The following ME2 variants were observed in gnomAD, a reference collection of about 807,000 sequenced individuals.
The protein encoded by ME2 is NAD-dependent malic enzyme, mitochondrial.
A neutral mutation model predicts 73.7 loss-of-function variants in ME2; 60 were observed. The ratio of observed to expected loss-of-function variants is 0.81; its 90% CI spans 0.66 to 1.01. The LOEUF (loss-of-function observed/expected upper bound fraction) is 1.01. Among genes scored for constraint, ME2 ranks in the 50% least tolerant of loss-of-function variants. ME2 has a pLI of 0.00. For missense variants in ME2, 594 were observed against 705.5 expected (o/e 0.84, Z 1.79); for synonymous variants, 199 against 236.9 (o/e 0.84, Z 1.47).
At chr18:50,900,323 C>A (rs1297655095) in intron 2 of ME2, among the ~76,000 whole-genome samples, 2 of 151,332 alleles carry the variant, frequency 1.3e-5, no homozygotes, top group Admixed American at 6.6e-5. Context: ...GAGATGGAGT[C>A]TCGCTCTGTT....
At chr18:50,893,431 G>A (rs1217565592) in intron 1 of ME2, among the ~76,000 whole-genome samples, 1 of 152,166 alleles carries the variant, frequency 6.6e-6, no homozygotes, top group Non-Finnish European at 1.5e-5. Flanking sequence ...CCATTCAGAT[G>A]AGCAAAATAC....
intron 12 of ME2, among the ~76,000 whole-genome samples, chr18:50,926,573 A>G (rs1295657597): frequency 6.6e-6 from 1 of 152,184 alleles, no homozygotes; most frequent in Admixed American, 6.5e-5. Context: ...TCTGTTTTGA[A>G]AAAATATCAG....
chr18:50,884,026 G>C (rs182323065), intron 1 of ME2, among the ~76,000 whole-genome samples: 1 of 151,780 alleles, frequency 6.6e-6, no homozygotes, highest in African/African-American at 2.4e-5. Flanking sequence ...TGTTTTCCTC[G>C]TTCTGTCTTG....
At chr18:50,918,704 T>C (rs56184660) in intron 7 of ME2, among the ~76,000 whole-genome samples, 29,425 of 148,674 alleles carry the variant, frequency 0.2, 3,550 homozygotes, top group East Asian at 0.29. Context: ...ACCTTTCTCT[T>C]TTTTTTTTTT....
chr18:50,920,771 G>A lies in ME2; in HGVS notation c.942+13G>A, dbSNP rs929332333. 6.3e-7 allele frequency: 1 copy of A among 1,578,936 alleles called. No individual in the cohort carries two copies. The highest frequency in any genetic ancestry group is 8.6e-7 in the Non-Finnish European group (1 of 1,161,212). On this transcript the variant is annotated intron_variant, in intron 9 of 15. Coordinates refer to ENST00000321341, the MANE Select transcript of ME2 (RefSeq NM_002396.5). The stretch of plus-strand genomic sequence containing the variant: ...TGGAGCAGGAGAGGTAAGTTTTGAA[G>A]GCTTTTTGAAACTTAAGCCTATCCT...
chr18:50,931,827 A>AAC (rs1917697623), intron 12 of ME2, among the ~76,000 whole-genome samples: 1 of 151,992 alleles, frequency 6.6e-6, no homozygotes, highest in African/African-American at 2.4e-5. Flanking sequence ...GGCATGGGCC[A>AAC]ACACACCCAG....
chr18:50,940,192 T>C, intron 14 of ME2, 96 bp from the exon 15 acceptor site: 1 of 793,776 alleles, frequency 1.3e-6, no homozygotes, highest in South Asian at 1.5e-5. Context: ...TTATATTACC[T>C]GTTTTACTCT....
chr18:50,890,914 G>C lies in ME2; in HGVS notation c.-12-4895G>C, dbSNP rs185087173. Among the ~76,000 whole-genome samples, 96 of 152,286 alleles carry C rather than the reference G, an allele frequency of 6.3e-4. No homozygotes were observed. In the East Asian group the frequency reaches 0.017, roughly 27 times the overall value. ...ATGGCCAGGAGGCACTGCTGGACCAGGAGGGCAGGGCCATATTGAGCCTGG... is the reference window on the plus strand; with the variant it reads ...ATGGCCAGGAGGCACTGCTGGACCACGAGGGCAGGGCCATATTGAGCCTGG... On this transcript the variant is annotated intron_variant, in intron 1 of 15. Transcript: ENST00000321341.
Position 50,883,958 on chromosome 18 carries a change from C to G in ME2, c.-13+4650C>G, listed in dbSNP as rs542629233. Among the ~76,000 whole-genome samples the G allele has an allele frequency of 2.0e-5, 3 of 152,310 alleles. No individual in the cohort carries two copies. In the South Asian group the frequency reaches 6.2e-4, roughly 32 times the overall value. On this transcript the variant is annotated intron_variant, in intron 1 of 15. Coordinates refer to ENST00000321341, the MANE Select transcript of ME2 (RefSeq NM_002396.5). ...CTTCTTTTATTTCCTGTTTTTACTT[C>G]ACTCACTCCTATAGTTCTCCTTCTG...
chr18:50,945,718 A>T (rs1240118885), intron 15 of ME2, among the ~76,000 whole-genome samples: 1 of 152,158 alleles, frequency 6.6e-6, no homozygotes, highest in East Asian at 1.9e-4. Context: ...GAGGAGAGCG[A>T]CATCTTATAA....
At position 50,953,246 on chromosome 18, in the gene ME2, C is replaced by A; in HGVS notation, c.*6062C>A. The A allele has an allele frequency of 6.6e-6, 1 of 152,348 alleles. No individual in the cohort carries two copies. Among genetic ancestry groups the A allele is most frequent in the Non-Finnish European group, 1.5e-5 (1 of 68,158 alleles). The allele number at this position is 152,348 out of a possible 1,614,324, so 9.4% of individuals were successfully genotyped here. On this transcript the variant is annotated 3_prime_UTR_variant, in exon 16 of 16. Transcript: ENST00000321341. ...TCCGAGTAGCTCGGACTACAGGCGC[C>A]CGCCACCTCGCCCAGCTAATTTTTT...
At chr18:50,908,221 T>A in intron 3 of ME2, 25 bp downstream of exon 3, 1 of 1,535,086 alleles carries the variant, frequency 6.5e-7, no homozygotes, top group South Asian at 1.2e-5. Flanking sequence ...GATGTTTCTT[T>A]TTTTATTGGT....
Position 50,893,139 on chromosome 18 carries a change from A to C in ME2, c.-12-2670A>C, listed in dbSNP as rs906542547. Among the ~76,000 whole-genome samples, 6 of 151,142 alleles carry C rather than the reference A, an allele frequency of 4.0e-5. 1 individual carries two copies. The highest frequency in any genetic ancestry group is 4.2e-4 in the South Asian group (2 of 4,800). ...GACTCTATCTCAAAAAAAAAAAAAA[A>C]AAAAAAAAAAAAACACCTTTAAATT... is the stretch of plus-strand genomic sequence containing the variant. On this transcript the variant is annotated intron_variant, in intron 1 of 15. Coordinates refer to ENST00000321341, the MANE Select transcript of ME2 (RefSeq NM_002396.5).
intron 7 of ME2, among the ~76,000 whole-genome samples, chr18:50,919,032 A>G (rs558790477): frequency 1.6e-4 from 24 of 147,908 alleles, no homozygotes; most frequent in African/African-American, 6.1e-4. Flanking sequence ...TCTTAGTGTT[A>G]TCTTTGACTC....
chr18:50,892,582 A>G (rs888390578), intron 1 of ME2, among the ~76,000 whole-genome samples: 1 of 152,176 alleles, frequency 6.6e-6, no homozygotes, highest in Non-Finnish European at 1.5e-5. Context: ...AATTTGTATT[A>G]GTATTGTAAA....
chr18:50,890,393 C>T (rs559523709), intron 1 of ME2, among the ~76,000 whole-genome samples: 2 of 152,270 alleles, frequency 1.3e-5, no homozygotes, highest in Admixed American at 1.3e-4. Context: ...GGATTCCAGG[C>T]ATGCACCACT....
intron 15 of ME2, among the ~76,000 whole-genome samples, chr18:50,945,452 G>A (rs1373995268): frequency 6.6e-6 from 1 of 152,070 alleles, no homozygotes; most frequent in Non-Finnish European, 1.5e-5. Context: ...GATCTTTATT[G>A]CAGTTACCTG....
At chr18:50,896,727 G>A (rs1004284090) in intron 2 of ME2, among the ~76,000 whole-genome samples, 1 of 152,128 alleles carries the variant, frequency 6.6e-6, no homozygotes, top group Non-Finnish European at 1.5e-5. Context: ...TAAAAAACTT[G>A]CCAGTCCCGT....
At position 50,908,141 on chromosome 18, in the gene ME2, A is replaced by T; in HGVS notation, c.187A>T (p.Ile63Phe). ...LLPPKIETQD[I>F]QALRFHRNLK... ...ACCTCCCAAAATAGAGACACAAGAT[A>T]TTCAAGCCTTACGATTTCATAGAAA... Residue 63 changes from isoleucine to phenylalanine, a missense_variant, in exon 3 of 16, where the codon ATT becomes TTT. By Grantham distance (21) the Ile-to-Phe change is conservative (BLOSUM62 0). Transcript: ENST00000321341. The T allele has an allele frequency of 1.2e-6, 2 of 1,607,734 alleles. No individual in the cohort carries two copies. Among genetic ancestry groups the T allele is most frequent in the African/African-American group, 2.7e-5 (2 of 74,764 alleles).
Sources: gnomAD v4.1 joint callset for allele counts (sites outside exome capture counted in the v4.1 genomes callset) on GRCh38, gnomAD v4.1.1 for gene constraint, MANE v1.5 for transcripts, NCBI Gene and HGNC (gene_info 2026-07-23, HGNC 2026-07-21) for gene names.